Variants in NINL observed in about 807,000 individuals in gnomAD.
NINL encodes ninein like, also known as ninein-like protein.
A neutral mutation model predicts 160.3 loss-of-function variants in NINL; 153 were observed. The observed-to-expected ratio is 0.95, with a 90% confidence interval of 0.84 to 1.09. The LOEUF (loss-of-function observed/expected upper bound fraction) is 1.09. NINL is among the 50% of genes least tolerant of loss of function. The pLI is 0.00. For missense variants in NINL, 1,829 were observed against 1,764.0 expected, an observed-to-expected ratio of 1.04 and a Z score of -0.66; for synonymous variants, 800 against 734.8, an observed-to-expected ratio of 1.09 and a Z score of -1.43.
chr20:25,565,039 G>A (rs2064984719), intron 1 of NINL, among the ~76,000 whole-genome samples: 1 of 152,162 alleles, frequency 6.6e-6, no homozygotes, highest in Admixed American at 6.5e-5. Context: ...CAATCTTTCA[G>A]GGTAGGGGCA....
At chr20:25,536,433 G>A (rs1201041719) in intron 1 of NINL, among the ~76,000 whole-genome samples, 1 of 152,234 alleles carries the variant, frequency 6.6e-6, no homozygotes, top group Non-Finnish European at 1.5e-5. Context: ...AGCCAGGGCT[G>A]GGAGCAGTGG....
At chr20:25,535,002 GGTTA>G (rs1392147479) in intron 1 of NINL, among the ~76,000 whole-genome samples, 1 of 152,148 alleles carries the variant, frequency 6.6e-6, no homozygotes, top group Non-Finnish European at 1.5e-5. Context: ...TTTGATTCAT[GGTTA>G]GTTAAATCCA....
chr20:25,539,003 A>G (rs908472682), intron 1 of NINL, among the ~76,000 whole-genome samples: 1 of 152,282 alleles, frequency 6.6e-6, no homozygotes, highest in African/African-American at 2.4e-5. Context: ...ATCAAATGAC[A>G]TGAGTGCTGC....
chr20:25,506,518 C>A (rs1402505693), intron 5 of NINL, among the ~76,000 whole-genome samples: 1 of 152,134 alleles, frequency 6.6e-6, no homozygotes, highest in African/African-American at 2.4e-5. Context: ...AGCAACCCCA[C>A]CATAAGCTGA....
At chr20:25,581,429 G>A (rs141583056) in intron 1 of NINL, among the ~76,000 whole-genome samples, 3,479 of 137,328 alleles carry the variant, frequency 0.025, 123 homozygotes, top group African/African-American at 0.088. Context: ...GTGACAGAGC[G>A]AGACTCCTTC....
At chr20:25,548,784 C>T (rs1282974750) in intron 1 of NINL, among the ~76,000 whole-genome samples, 1 of 149,622 alleles carries the variant, frequency 6.7e-6, no homozygotes, top group African/African-American at 2.5e-5. Flanking sequence ...GCCACAGCTC[C>T]CACACAGAGA....
intron 20 of NINL, among the ~76,000 whole-genome samples, chr20:25,462,055 A>G (rs1369198417): frequency 1.3e-5 from 2 of 152,166 alleles, no homozygotes; most frequent in African/African-American, 4.8e-5. Flanking sequence ...ATCCTTCCAC[A>G]AGGCTCTCGG....
intron 1 of NINL, among the ~76,000 whole-genome samples, chr20:25,566,016 C>T (rs931699819): frequency 6.6e-6 from 1 of 152,212 alleles, no homozygotes; most frequent in Non-Finnish European, 1.5e-5. Context: ...CTGGCCTCAG[C>T]CATGCTATTA....
chr20:25,583,986 G>A (rs1376280360), intron 1 of NINL, among the ~76,000 whole-genome samples: 3 of 152,056 alleles, frequency 2.0e-5, no homozygotes, highest in South Asian at 2.1e-4. Flanking sequence ...CTGTCGGGGC[G>A]GGTGGGGGGC....
At chr20:25,513,060 A>T in intron 3 of NINL, 54 bp from the exon 4 acceptor site, 1 of 1,544,082 alleles carries the variant, frequency 6.5e-7, no homozygotes, top group South Asian at 1.2e-5. Context: ...TTCTGGGCCC[A>T]TGCAGGCCAG....
chr20:25,479,216 G>A lies in NINL; in HGVS notation c.1918-10C>T. On this transcript the variant is annotated splice_polypyrimidine_tract_variant and intron_variant, in intron 15 of 23. Coordinates refer to ENST00000278886, the MANE Select transcript of NINL (RefSeq NM_025176.6). ...TTTCGTAGTAATTTACCTAAAACGA[G>A]AAACATGAGCCCCGTGGACCAGGAG... is the stretch of plus-strand genomic sequence containing the variant. The A allele has an allele frequency of 1.3e-6, 2 of 1,595,966 alleles. No homozygotes were observed. The highest frequency in any genetic ancestry group is 1.7e-6 in the Non-Finnish European group (2 of 1,168,904).
At chr20:25,514,410 T>C (rs1055413853) in intron 3 of NINL, among the ~76,000 whole-genome samples, 1 of 152,208 alleles carries the variant, frequency 6.6e-6, no homozygotes, top group African/African-American at 2.4e-5. Flanking sequence ...CTTATATTCA[T>C]GAGCAAAGAG....
At chr20:25,552,073 G>C (rs2064812695) in intron 1 of NINL, among the ~76,000 whole-genome samples, 1 of 152,134 alleles carries the variant, frequency 6.6e-6, no homozygotes, top group African/African-American at 2.4e-5. Context: ...TCTGTTTGGG[G>C]AAAAAGAACA....
At chr20:25,485,472 T>C (rs2063487758) in intron 13 of NINL, among the ~76,000 whole-genome samples, 1 of 152,240 alleles carries the variant, frequency 6.6e-6, no homozygotes, top group Non-Finnish European at 1.5e-5. Context: ...TCTTAGGAAG[T>C]GCACACAAGC....
chr20:25,471,286 C>T (rs999109685), intron 17 of NINL, among the ~76,000 whole-genome samples: 2 of 152,108 alleles, frequency 1.3e-5, no homozygotes, highest in African/African-American at 2.4e-5. Flanking sequence ...ACGCCCAGCC[C>T]GCTTTATGTA....
chr20:25,463,972 T>C (rs140660495), intron 19 of NINL, among the ~76,000 whole-genome samples: 179 of 152,352 alleles, frequency 1.2e-3, no homozygotes, highest in African/African-American at 4.1e-3. Flanking sequence ...TGACATTTTA[T>C]TGTGAAAATT....
At chr20:25,560,758 G>A (rs2064924368) in intron 1 of NINL, among the ~76,000 whole-genome samples, 1 of 151,970 alleles carries the variant, frequency 6.6e-6, no homozygotes. Context: ...GAACCTAAGA[G>A]CCCTACAACG....
intron 1 of NINL, among the ~76,000 whole-genome samples, chr20:25,552,783 C>G (rs989642815): frequency 6.6e-6 from 1 of 152,232 alleles, no homozygotes; most frequent in South Asian, 2.1e-4. Flanking sequence ...AAAGGAGACA[C>G]AGAAAGTAAT....
intron 10 of NINL, among the ~76,000 whole-genome samples, chr20:25,493,372 C>T (rs1466254283): frequency 3.3e-5 from 5 of 152,106 alleles, no homozygotes; most frequent in Admixed American, 2.0e-4. Flanking sequence ...GTGGCACCAA[C>T]AGGGATAGGT....
Sources: allele counts gnomAD v4.1 joint callset (sites outside exome capture counted in the v4.1 genomes callset), GRCh38; gene constraint gnomAD v4.1.1; transcripts MANE v1.5; gene names NCBI Gene and HGNC (gene_info 2026-07-23, HGNC 2026-07-21).